ARHGAP42: variants seen among roughly 807,000 people sequenced by gnomAD.
ARHGAP42 encodes the protein rho GTPase-activating protein 42.
Under a neutral mutation model 125.0 loss-of-function variants are expected in ARHGAP42, and 63 were observed. The ratio of observed to expected loss-of-function variants is 0.50; its 90% CI spans 0.41 to 0.62. The LOEUF is 0.62. Among genes scored for constraint, ARHGAP42 ranks in the 20% least tolerant of loss-of-function variants. The pLI is 0.00. For missense variants in ARHGAP42, 766 were observed against 1,024.2 expected (o/e 0.75, Z 3.44); for synonymous variants, 339 against 351.0 (o/e 0.97, Z 0.38).
At position 100,990,176 on chromosome 11, in the gene ARHGAP42, A is replaced by C. The variant is rs1858795917; in HGVS notation, c.*1375A>C. 1 of 152,148 alleles carries C rather than the reference A, an allele frequency of 6.6e-6. No individual in the cohort carries two copies. The highest frequency in any genetic ancestry group is 1.5e-5 in the Non-Finnish European group (1 of 68,032). The allele number at this position is 152,148 out of a possible 1,614,324, so 9.4% of individuals were successfully genotyped here. A position where few individuals can be genotyped will look rare whatever the true frequency, so the allele number is the denominator to read the frequency against. ...TATGTGGCAAAGAGCCTTTCTTCTC[A>C]AGATCCTGAAAAGCTGGTTACCTGC... On this transcript the variant is annotated 3_prime_UTR_variant, in exon 24 of 24. Transcript: ENST00000298815.
At chr11:100,945,100 C>T (rs559600315) in intron 10 of ARHGAP42, among the ~76,000 whole-genome samples, 36 of 152,140 alleles carry the variant, frequency 2.4e-4, no homozygotes, top group Admixed American at 2.1e-3. Context: ...CATTCAAAAA[C>T]GTTTATAGCA....
intron 1 of ARHGAP42, among the ~76,000 whole-genome samples, chr11:100,753,807 T>G (rs607562): frequency 0.77 from 117,037 of 152,188 alleles, 46,155 homozygotes; most frequent in African/African-American, 0.94. Flanking sequence ...TTCCCGGTGG[T>G]AATGTGTATC....
At position 100,792,928 on chromosome 11, in the gene ARHGAP42, G is replaced by A. The variant is rs548480862; in HGVS notation, c.251-2177G>A. Among the ~76,000 whole-genome samples, 168 of 151,740 alleles carry A rather than the reference G, an allele frequency of 1.1e-3. 1 individual carries two copies. The highest frequency in any genetic ancestry group is 1.4e-3 in the Non-Finnish European group (98 of 67,900). On this transcript the variant is annotated intron_variant, in intron 2 of 23. Transcript: ENST00000298815. ...CCACCACGCCCTGCTAATTTTTTTT[G>A]TATTTTTAGTAGAGGTGGGGTTTCA...
chr11:100,838,362 A>G (rs911944741), intron 3 of ARHGAP42, among the ~76,000 whole-genome samples: 3 of 152,222 alleles, frequency 2.0e-5, no homozygotes, highest in Non-Finnish European at 4.4e-5. Context: ...GTATATAGAC[A>G]TTCCTTTTTT....
chr11:100,706,074 G>T (rs990492307), intron 1 of ARHGAP42, among the ~76,000 whole-genome samples: 36 of 151,172 alleles, frequency 2.4e-4, no homozygotes, highest in Non-Finnish European at 8.8e-5. Flanking sequence ...CTGCATCCCG[G>T]GTTCAGGCAA....
rs1865040194 is a variant in ARHGAP42, at chr11:100,845,362, A to G, written c.313-14192A>G. 2.6e-5 allele frequency among the ~76,000 whole-genome samples: 4 copies of G among 152,050 alleles called. No individual in the cohort carries two copies. In the South Asian group the frequency reaches 6.2e-4, roughly 24 times the overall value. Reference sequence around the variant, plus strand: ...GGGGACTCAGAGGGAAAGGGTGGGAAGGGGGTGAGGGGTAAAAGACTACAA... The same window carrying G: ...GGGGACTCAGAGGGAAAGGGTGGGAGGGGGGTGAGGGGTAAAAGACTACAA... On this transcript the variant is annotated intron_variant, in intron 3 of 23. Transcript: ENST00000298815.
At chr11:100,817,940 T>C (rs891923890) in intron 3 of ARHGAP42, among the ~76,000 whole-genome samples, 3 of 152,226 alleles carry the variant, frequency 2.0e-5, no homozygotes, top group African/African-American at 4.8e-5. Flanking sequence ...CACAATGTTA[T>C]CAGAGTTTTA....
At chr11:100,770,101 C>T (rs1862937903) in intron 1 of ARHGAP42, among the ~76,000 whole-genome samples, 1 of 152,116 alleles carries the variant, frequency 6.6e-6, no homozygotes, top group Non-Finnish European at 1.5e-5. Flanking sequence ...TCTCTTAAAG[C>T]AGTAAATCTC....
intron 2 of ARHGAP42, among the ~76,000 whole-genome samples, chr11:100,785,333 G>T (rs1450812936): frequency 6.6e-6 from 1 of 152,190 alleles, no homozygotes; most frequent in Non-Finnish European, 1.5e-5. Flanking sequence ...GTGAGGGGAA[G>T]CCTGGGGCTG....
intron 1 of ARHGAP42, among the ~76,000 whole-genome samples, chr11:100,689,106 A>G (rs1861142184): frequency 6.6e-6 from 1 of 152,230 alleles, no homozygotes; most frequent in Non-Finnish European, 1.5e-5. Flanking sequence ...TAAAACATTT[A>G]CTTAACCACT....
chr11:100,770,928 G>C (rs946538971), intron 2 of ARHGAP42, among the ~76,000 whole-genome samples: 12 of 152,164 alleles, frequency 7.9e-5, no homozygotes, highest in African/African-American at 2.7e-4. Flanking sequence ...GTGTTTGTTT[G>C]TTTGTTGTTT....
chr11:100,833,920 T>A (rs1864720325), intron 3 of ARHGAP42, among the ~76,000 whole-genome samples: 1 of 152,126 alleles, frequency 6.6e-6, no homozygotes, highest in Non-Finnish European at 1.5e-5. Context: ...AAAATAAAAA[T>A]TTTTAAATAT....
intron 3 of ARHGAP42, among the ~76,000 whole-genome samples, chr11:100,856,432 A>C: frequency 6.6e-6 from 1 of 152,002 alleles, no homozygotes; most frequent in East Asian, 1.9e-4. Flanking sequence ...ATGTATTCCC[A>C]GGGGGAATGT....
At chr11:100,857,179 C>G (rs1865340780) in intron 3 of ARHGAP42, among the ~76,000 whole-genome samples, 1 of 151,844 alleles carries the variant, frequency 6.6e-6, no homozygotes, top group Non-Finnish European at 1.5e-5. Context: ...ACCTTTGCCA[C>G]TTATTTATTT....
intron 1 of ARHGAP42, among the ~76,000 whole-genome samples, chr11:100,704,386 C>T (rs1013820225): frequency 6.6e-6 from 1 of 152,112 alleles, no homozygotes; most frequent in Non-Finnish European, 1.5e-5. Flanking sequence ...AAAAGGCCAG[C>T]CTCGGAGGTT....
At chr11:100,918,758 A>G (rs1331183755) in intron 5 of ARHGAP42, among the ~76,000 whole-genome samples, 2 of 152,214 alleles carry the variant, frequency 1.3e-5, no homozygotes, top group Non-Finnish European at 2.9e-5. Context: ...GCTTTGGTGT[A>G]TCAAATTTCA....
intron 1 of ARHGAP42, among the ~76,000 whole-genome samples, chr11:100,693,745 T>C (rs1464168085): frequency 6.6e-6 from 1 of 152,184 alleles, no homozygotes; most frequent in African/African-American, 2.4e-5. Context: ...ATGATCAAGG[T>C]ACTTTCAGAG....
At chr11:100,887,561 C>T (rs769392354) in intron 4 of ARHGAP42, among the ~76,000 whole-genome samples, 1 of 152,212 alleles carries the variant, frequency 6.6e-6, no homozygotes. Context: ...GTAATCGTAA[C>T]TATTTCATTT....
chr11:100,921,588 T>C lies in ARHGAP42; in HGVS notation c.581T>C (p.Phe194Ser). ...CAAGAGGTCCAAGAAAAAAAGAAGT[T>C]TGAATTTGTTGAACCGGTAAGTTTC... Reference protein sequence around the residue: ...KIQEVQEKKKFEFVEPLLSFL... With the variant: ...KIQEVQEKKKSEFVEPLLSFL... Residue 194 changes from phenylalanine (F) to serine (S), a missense_variant, in exon 6 of 24, where the codon TTT becomes TCT. Around this residue, in one of 3 missense-constraint regions of ARHGAP42, gnomAD observed 455 missense variants for 636.5 expected, o/e 0.71. Transcript: ENST00000298815. The C allele has an allele frequency of 6.5e-7, 1 of 1,537,480 alleles. No individual in the cohort carries two copies. Among genetic ancestry groups the C allele is most frequent in the Non-Finnish European group, 8.8e-7 (1 of 1,138,414 alleles).
Sources: allele counts gnomAD v4.1 joint callset (sites outside exome capture counted in the v4.1 genomes callset), GRCh38; gene constraint gnomAD v4.1.1; regional missense constraint gnomAD v4.1.1; transcripts MANE v1.5; gene names NCBI Gene and HGNC (gene_info 2026-07-23, HGNC 2026-07-21).